Variants in MYRFL observed in about 807,000 individuals in gnomAD.
The protein encoded by MYRFL is myelin regulatory factor-like protein.
MYRFL carries 88 observed loss-of-function variants against 109.4 expected under a neutral mutation model. That is an observed-to-expected ratio of 0.80 (90% CI 0.68 to 0.96). The LOEUF (loss-of-function observed/expected upper bound fraction) is 0.96, where lower values mean the gene tolerates loss of function less well. Ranked by LOEUF, MYRFL falls within the 40% of genes least tolerant of loss-of-function variation. The pLI, the probability that MYRFL is intolerant of heterozygous loss-of-function variation, is 0.00. For synonymous variants in MYRFL, 324 were observed against 320.9 expected (o/e 1.01, Z -0.10); for missense variants, 957 against 954.9 (o/e 1.00, Z -0.03).
At chr12:69,834,661 A>C (rs1422173325) in intron 1 of MYRFL, among the ~76,000 whole-genome samples, 4 of 152,226 alleles carry the variant, frequency 2.6e-5, no homozygotes, top group Non-Finnish European at 5.9e-5. Context: ...AACAAGAACA[A>C]GTACAGCTAC....
intron 2 of MYRFL, among the ~76,000 whole-genome samples, chr12:69,865,425 G>A (rs905858273): frequency 1.3e-5 from 2 of 152,182 alleles, no homozygotes; most frequent in African/African-American, 4.8e-5. Flanking sequence ...CCCTTGGAAT[G>A]AGACAGAAGG....
intron 15 of MYRFL, among the ~76,000 whole-genome samples, chr12:69,931,592 A>G (rs1176693652): frequency 6.6e-6 from 1 of 152,220 alleles, no homozygotes; most frequent in Non-Finnish European, 1.5e-5. Context: ...CCAAGAACCA[A>G]TTTAAAACTA....
At chr12:69,868,174 T>A (rs2136327617) in intron 2 of MYRFL, among the ~76,000 whole-genome samples, 1 of 151,754 alleles carries the variant, frequency 6.6e-6, no homozygotes, top group South Asian at 2.1e-4. Flanking sequence ...TGGCACAATC[T>A]TGGCTCACTG....
intron 13 of MYRFL, among the ~76,000 whole-genome samples, chr12:69,923,703 T>G (rs902336185): frequency 2.0e-5 from 3 of 152,058 alleles, no homozygotes; most frequent in Admixed American, 2.0e-4. Context: ...AAATTTTTAT[T>G]TTTTGTCTTT....
intron 5 of MYRFL, among the ~76,000 whole-genome samples, chr12:69,884,294 T>C (rs1052321327): frequency 1.5e-4 from 23 of 152,232 alleles, no homozygotes; most frequent in African/African-American, 5.5e-4. Flanking sequence ...ATGAATAAGT[T>C]CTAGCACTAG....
chr12:69,861,948 G>A (rs1354591070), intron 2 of MYRFL, among the ~76,000 whole-genome samples: 9 of 151,360 alleles, frequency 5.9e-5, no homozygotes, highest in East Asian at 1.9e-4. Context: ...AAGGGATCCA[G>A]TTTCAGCTTT....
At chr12:69,892,903 T>C (rs1887001688) in intron 7 of MYRFL, among the ~76,000 whole-genome samples, 1 of 152,256 alleles carries the variant, frequency 6.6e-6, no homozygotes, top group African/African-American at 2.4e-5. Flanking sequence ...AGTAATATAT[T>C]GTGGACATCA....
chr12:69,875,344 T>G (rs1201323502), intron 2 of MYRFL, among the ~76,000 whole-genome samples: 3 of 152,122 alleles, frequency 2.0e-5, no homozygotes, highest in African/African-American at 7.2e-5. Flanking sequence ...TTATTTGTAG[T>G]TTTGATTTCT....
At chr12:69,849,663 C>T (rs1413653950) in intron 1 of MYRFL, among the ~76,000 whole-genome samples, 1 of 152,162 alleles carries the variant, frequency 6.6e-6, no homozygotes, top group African/African-American at 2.4e-5. Flanking sequence ...TGAAATTTTT[C>T]TCTGTTTATT....
intron 1 of MYRFL, among the ~76,000 whole-genome samples, chr12:69,835,530 A>G (rs902388204): frequency 5.3e-5 from 8 of 152,254 alleles, no homozygotes; most frequent in Non-Finnish European, 1.2e-4. Context: ...GTATTAAAAC[A>G]GTGCAAAAGC....
At chr12:69,900,072 A>G (rs1461362916) in intron 10 of MYRFL, among the ~76,000 whole-genome samples, 1 of 152,052 alleles carries the variant, frequency 6.6e-6, no homozygotes, top group East Asian at 1.9e-4. Flanking sequence ...TTTCAAAGAC[A>G]CTCTAGGGTT....
At chr12:69,868,082 C>A (rs1233081086) in intron 2 of MYRFL, among the ~76,000 whole-genome samples, 3 of 151,808 alleles carry the variant, frequency 2.0e-5, no homozygotes, top group Admixed American at 1.3e-4. Flanking sequence ...TATTTAACCC[C>A]ATCAAGCCTC....
chr12:69,846,797 A>T (rs890023756), intron 1 of MYRFL, among the ~76,000 whole-genome samples: 1 of 151,786 alleles, frequency 6.6e-6, no homozygotes, highest in African/African-American at 2.4e-5. Flanking sequence ...GGGTTGAACT[A>T]GTTTACAGTC....
intron 2 of MYRFL, among the ~76,000 whole-genome samples, chr12:69,858,883 T>G (rs1884462954): frequency 6.6e-6 from 1 of 151,958 alleles, no homozygotes; most frequent in Non-Finnish European, 1.5e-5. Context: ...ATGCTTAATT[T>G]GGGTTTAGTT....
Position 69,942,734 on chromosome 12 carries a change from G to GGAA in MYRFL, c.2224+6104_2224+6106dup, listed in dbSNP as rs1437671584. On this transcript the variant is annotated intron_variant, in intron 19 of 24. Transcript: ENST00000552032. ...TAAAGGGTATTCAAATAGGAAAAGA[G>GGAA]GAAGTCAAATTGTCCCTGTTTGCAG... Among the ~76,000 whole-genome samples, 5 of 152,086 alleles carry GGAA rather than the reference G, an allele frequency of 3.3e-5. No homozygotes were observed. The East Asian group carries it at 7.7e-4, about 24-fold the overall frequency.
chr12:69,936,490 A>T lies in MYRFL; in HGVS notation c.2082A>T (p.Leu694Phe). Reference protein sequence around the residue: ...NTSLVTTPASLQVPEITFCEI... With the variant: ...NTSLVTTPASFQVPEITFCEI... The stretch of plus-strand genomic sequence containing the variant: ...CCCTGGTAACCACACCGGCCTCCTT[A>T]CAAGTACCTGAAATTACTTTCTGTG... Residue 694 changes from leucine to phenylalanine, a missense_variant, in exon 19 of 25, where the codon TTA becomes TTT. By Grantham distance (22) the Leu-to-Phe change is conservative (BLOSUM62 0). Coordinates refer to ENST00000552032, the MANE Select transcript of MYRFL (RefSeq NM_182530.3). The T allele has an allele frequency of 6.5e-7, 1 of 1,535,948 alleles. No homozygotes were observed. Among genetic ancestry groups the T allele is most frequent in the African/African-American group, 1.4e-5 (1 of 73,106 alleles).
intron 20 of MYRFL, among the ~76,000 whole-genome samples, chr12:69,952,527 C>T (rs1387446904): frequency 1.3e-5 from 2 of 152,330 alleles, no homozygotes; most frequent in African/African-American, 4.8e-5. Flanking sequence ...TTTAGTAGGA[C>T]TTCCATGGTC....
chr12:69,940,870 C>G (rs1305342549), intron 19 of MYRFL, among the ~76,000 whole-genome samples: 1 of 117,016 alleles, frequency 8.5e-6, no homozygotes, highest in Non-Finnish European at 1.8e-5. Context: ...CAAAAAAAGG[C>G]AGGGGTTGCA....
At chr12:69,854,266 G>A (rs1358996987) in intron 1 of MYRFL, among the ~76,000 whole-genome samples, 2 of 151,842 alleles carry the variant, frequency 1.3e-5, no homozygotes, top group Admixed American at 1.3e-4. Flanking sequence ...AATCAGGCAG[G>A]GAGTTTGCAG....
Sources: allele counts gnomAD v4.1 joint callset (sites outside exome capture counted in the v4.1 genomes callset), GRCh38; gene constraint gnomAD v4.1.1; transcripts MANE v1.5; gene names NCBI Gene and HGNC (gene_info 2026-07-23, HGNC 2026-07-21).